The following DLC1 variants were observed in gnomAD, a reference collection of about 807,000 sequenced individuals.
DLC1 encodes rho GTPase-activating protein 7.
DLC1 carries 54 observed loss-of-function variants against 140.3 expected under a neutral mutation model. That is an observed-to-expected ratio of 0.38 (90% CI 0.31 to 0.48). The LOEUF is 0.48. DLC1 is among the 20% of genes least tolerant of loss of function. The pLI, the probability that DLC1 is intolerant of heterozygous loss-of-function variation, is 0.96. For synonymous variants in DLC1, 986 were observed against 728.1 expected, an observed-to-expected ratio of 1.35 and a Z score of -5.70; for missense variants, 2,536 against 1,907.0, an observed-to-expected ratio of 1.33 and a Z score of -6.14.
At chr8:13,166,525 G>C (rs1286699750) in intron 5 of DLC1, among the ~76,000 whole-genome samples, 1 of 152,096 alleles carries the variant, frequency 6.6e-6, no homozygotes, top group Non-Finnish European at 1.5e-5. Context: ...ATTTTTAGTA[G>C]AGATGGGGTT....
intron 1 of DLC1, among the ~76,000 whole-genome samples, chr8:13,569,808 A>G (rs778410421): frequency 6.6e-6 from 1 of 152,176 alleles, no homozygotes; most frequent in Non-Finnish European, 1.5e-5. Context: ...TGCAGCCTCA[A>G]CCTCTAGGAT....
chr8:13,288,103 C>T (rs192344662), intron 5 of DLC1, among the ~76,000 whole-genome samples: 4 of 152,114 alleles, frequency 2.6e-5, no homozygotes, highest in African/African-American at 9.7e-5. Context: ...CAAAAGCCTA[C>T]TTCAAAATAT....
At chr8:13,569,913 G>C (rs898783859) in intron 1 of DLC1, among the ~76,000 whole-genome samples, 4 of 152,126 alleles carry the variant, frequency 2.6e-5, no homozygotes, top group African/African-American at 9.7e-5. Context: ...ATTTTCAGTA[G>C]AGAAATTTTG....
chr8:13,285,353 A>C (rs1335805056), intron 5 of DLC1, among the ~76,000 whole-genome samples: 1 of 152,184 alleles, frequency 6.6e-6, no homozygotes, highest in Non-Finnish European at 1.5e-5. Context: ...TATGGAAAAA[A>C]GAAACCTTGA....
intron 5 of DLC1, among the ~76,000 whole-genome samples, chr8:13,298,363 C>T (rs887153084): frequency 1.3e-5 from 2 of 152,040 alleles, no homozygotes; most frequent in Non-Finnish European, 2.9e-5. Flanking sequence ...CATATTTGGC[C>T]GTTGGGTTGA....
rs148945567 is a variant in DLC1 at position 13,508,672 on chromosome 8, C to T, written c.-126+5930G>A. Among the ~76,000 whole-genome samples the T allele has an allele frequency of 3.8e-3, 573 of 152,232 alleles. 3 individuals carry two copies. The highest frequency in any genetic ancestry group is 0.013 in the African/African-American group (557 of 41,552). On this transcript the variant is annotated intron_variant, in intron 1 of 17. Coordinates refer to ENST00000276297, the MANE Select transcript of DLC1 (RefSeq NM_182643.3). ...TGACCTCGTGATCTGCCCACCTCGG[C>T]CTCCCAAAGTGCTGGGATTACAGGC...
chr8:13,301,245 G>A (rs1271199054), intron 5 of DLC1, among the ~76,000 whole-genome samples: 2 of 151,826 alleles, frequency 1.3e-5, no homozygotes, highest in East Asian at 3.9e-4. Context: ...AATCTCTAAA[G>A]GGAGGTTAAA....
rs1204039367 is a variant in DLC1 at position 13,102,759 on chromosome 8, C to T, written c.1566+31G>A. ...CACTTTTTTGTTTGCCCCTTTTCCC[C>T]CTCATTCTATTATGCAATTTGTATA... is the stretch of plus-strand genomic sequence containing the variant. On this transcript the variant is annotated intron_variant, in intron 8 of 17. Transcript: ENST00000276297. 75 of 1,593,524 alleles carry T rather than the reference C, an allele frequency of 4.7e-5. 1 individual carries two copies. In the East Asian group the frequency reaches 1.3e-3, roughly 27 times the overall value.
At chr8:13,519,602 A>G (rs1802703801), upstream of DLC1, among the ~76,000 whole-genome samples, 1 of 152,176 alleles carries the variant, frequency 6.6e-6, no homozygotes, top group South Asian at 2.1e-4. Context: ...GAAAGCACAC[A>G]TTAAAGGAAC....
In DLC1 at chr8:13,482,709, C is replaced by G. The variant is rs148475302; in HGVS notation, c.1023+16340G>C. 1.7e-3 allele frequency among the ~76,000 whole-genome samples: 266 copies of G among 152,240 alleles called. 1 individual carries two copies. The highest frequency in any genetic ancestry group is 6.2e-3 in the African/African-American group (259 of 41,548). On this transcript the variant is annotated intron_variant, in intron 2 of 17. Coordinates refer to ENST00000276297, the MANE Select transcript of DLC1 (RefSeq NM_182643.3). The stretch of plus-strand genomic sequence containing the variant: ...ACGTGATTACGCGATTTAATTGGAA[C>G]AGAGAGACAGTGAGAGAATAGGATT...
chr8:13,145,917 T>G (rs1452928351), intron 5 of DLC1, among the ~76,000 whole-genome samples: 3 of 152,156 alleles, frequency 2.0e-5, no homozygotes, highest in Non-Finnish European at 4.4e-5. Context: ...ATTCTAGTTC[T>G]TCATTGCGTG....
chr8:13,365,472 C>G (rs567161661), intron 4 of DLC1, among the ~76,000 whole-genome samples: 2 of 152,218 alleles, frequency 1.3e-5, no homozygotes, highest in South Asian at 4.1e-4. Flanking sequence ...GTGCCTTTAT[C>G]CTACTCTAGA....
chr8:13,098,139 C>T (rs775579297), intron 10 of DLC1, among the ~76,000 whole-genome samples: 3 of 151,230 alleles, frequency 2.0e-5, no homozygotes, highest in Admixed American at 1.3e-4. Context: ...GTGGGAGAAT[C>T]GCTAGAGCCC....
Position 13,099,406 on chromosome 8 carries a change from G to A in DLC1, c.2931C>T (p.Pro977=). The change falls in exon 9 of 18, where the codon CCC becomes CCT. Residue 977 remains proline, a synonymous_variant. Transcript: ENST00000276297. Reference sequence around the variant, plus strand: ...AATCCCTTCTTTCCGGGATCTCGGAGGGCTCTTCCGGTTCATTCAGGGAGT... The same window carrying A: ...AATCCCTTCTTTCCGGGATCTCGGAAGGCTCTTCCGGTTCATTCAGGGAGT... The part of the protein sequence containing the change: ...TGNSLNEPEE[P]SEIPERRDSG... 1.2e-6 allele frequency: 2 copies of A among 1,614,100 alleles called. No individual in the cohort carries two copies. The highest frequency in any genetic ancestry group is 2.2e-5 in the South Asian group (2 of 91,058).
At chr8:13,517,126 C>T (rs1221871458), upstream of DLC1, among the ~76,000 whole-genome samples, 1 of 152,114 alleles carries the variant, frequency 6.6e-6, no homozygotes, top group East Asian at 1.9e-4. Context: ...AAGAAAAACA[C>T]TGGAGAAGAA....
chr8:13,463,513 T>C (rs997757808), intron 2 of DLC1, among the ~76,000 whole-genome samples: 3 of 152,204 alleles, frequency 2.0e-5, no homozygotes, highest in African/African-American at 7.2e-5. Flanking sequence ...TTCTTATGGA[T>C]GTTTGTTCAT....
At chr8:13,506,680 T>C (rs1370114022) in intron 1 of DLC1, among the ~76,000 whole-genome samples, 1 of 151,176 alleles carries the variant, frequency 6.6e-6, no homozygotes, top group Non-Finnish European at 1.5e-5. Flanking sequence ...TATATAAATA[T>C]ACACACACAC....
intron 5 of DLC1, among the ~76,000 whole-genome samples, chr8:13,169,828 C>G (rs1825341616): frequency 6.6e-6 from 1 of 151,160 alleles, no homozygotes; most frequent in Non-Finnish European, 1.5e-5. Context: ...GGTTTGAGAG[C>G]AGCATGGGCA....
chr8:13,122,000 T>C (rs1419071263), intron 5 of DLC1, among the ~76,000 whole-genome samples: 1 of 152,210 alleles, frequency 6.6e-6, no homozygotes, highest in Non-Finnish European at 1.5e-5. Context: ...ATAACATTTC[T>C]TTGTATTCCT....
Sources: gnomAD v4.1 joint callset for allele counts (sites outside exome capture counted in the v4.1 genomes callset) on GRCh38, gnomAD v4.1.1 for gene constraint, MANE v1.5 for transcripts, NCBI Gene and HGNC (gene_info 2026-07-23, HGNC 2026-07-21) for gene names.